Variants in WDR33 observed in about 807,000 individuals in gnomAD.
WDR33 encodes pre-mRNA 3' end processing protein WDR33.
Under a neutral mutation model 164.9 loss-of-function variants are expected in WDR33, and 47 were observed. The observed-to-expected ratio is 0.29, with a 90% CI of 0.23 to 0.36. The LOEUF (loss-of-function observed/expected upper bound fraction) is 0.36. Ranked by LOEUF, WDR33 falls within the 10% of genes least tolerant of loss-of-function variation. WDR33 has a pLI of 1.00. For synonymous variants in WDR33, 505 were observed against 589.0 expected (o/e 0.86, Z 2.06); for missense variants, 1,137 against 1,754.1 (o/e 0.65, Z 6.28).
chr2:127,749,156 T>G (rs778591916), intron 7 of WDR33, among the ~76,000 whole-genome samples: 1 of 152,086 alleles, frequency 6.6e-6, no homozygotes, highest in Non-Finnish European at 1.5e-5. Context: ...AGCAACATAG[T>G]GACATCTTGT....
At chr2:127,767,070 C>G (rs180690023) in intron 4 of WDR33, among the ~76,000 whole-genome samples, 18 of 152,290 alleles carry the variant, frequency 1.2e-4, no homozygotes, top group Non-Finnish European at 2.4e-4. Flanking sequence ...TAAGGCCTCT[C>G]AGGCAAATAA....
Position 127,724,254 on chromosome 2 carries a change from A to C in WDR33, c.1196+79T>G. ...TGGAATATAAATTACTATATCAATC[A>C]ACCAATAAAAATAAACACATACAGT... On this transcript the variant is annotated intron_variant, in intron 11 of 21. Transcript: ENST00000322313. This position sits in a 1 kb window ranked among gnomAD's most constrained non-coding sequence, Gnocchi z 4.8. 1 of 1,114,650 alleles carries C rather than the reference A, an allele frequency of 9.0e-7. No homozygotes were observed. Among genetic ancestry groups the C allele is most frequent in the Admixed American group, 2.3e-5 (1 of 44,352 alleles). 69.0% of individuals were successfully genotyped at this position (1,114,650 alleles called of 1,614,324 possible).
At chr2:127,742,258 T>C (rs113294826) in intron 7 of WDR33, among the ~76,000 whole-genome samples, 11,527 of 152,032 alleles carry the variant, frequency 0.076, 454 homozygotes, top group Non-Finnish European at 0.091. Flanking sequence ...CTGGGCACAG[T>C]GGCTCAAGTC....
At chr2:127,776,839 T>C (rs1047456767) in intron 1 of WDR33, among the ~76,000 whole-genome samples, 3 of 152,234 alleles carry the variant, frequency 2.0e-5, no homozygotes, top group African/African-American at 4.8e-5. Flanking sequence ...TCCTCTACGC[T>C]TTACTTGGGA....
At position 127,704,402 on chromosome 2, in the gene WDR33, T is replaced by C. The variant is rs895840070; in HGVS notation, c.*1921A>G. 2 of 167,014 alleles carry C rather than the reference T, an allele frequency of 1.2e-5. No homozygotes were observed. Among genetic ancestry groups the C allele is most frequent in the African/African-American group, 4.8e-5 (2 of 41,438 alleles). The allele number at this position is 167,014 out of a possible 1,614,324, so 10.3% of individuals were successfully genotyped here. A position where few individuals can be genotyped will look rare whatever the true frequency, so the allele number is the denominator to read the frequency against. The stretch of plus-strand genomic sequence containing the variant: ...TAAAGCCCAAAATAATGAAAATTTT[T>C]CCACTAGAATCTCAGGGAAAAAAAG... On this transcript the variant is annotated 3_prime_UTR_variant, in exon 22 of 22. Coordinates refer to ENST00000322313, the MANE Select transcript of WDR33 (RefSeq NM_018383.5).
chr2:127,708,978 T>C lies in WDR33; in HGVS notation c.3566-86A>G, dbSNP rs1686086338. On this transcript the variant is annotated intron_variant, in intron 20 of 21. Transcript: ENST00000322313. This position sits in a 1 kb window ranked among gnomAD's most constrained non-coding sequence, Gnocchi z 6.7. ...TGACACTGTGAGAGTAAGGAGCAAC[T>C]CGAGAGCCACCGTTCACTCATGCTG... The C allele has an allele frequency of 1.5e-6, 2 of 1,361,282 alleles. No individual in the cohort carries two copies. Among genetic ancestry groups the C allele is most frequent in the East Asian group, 2.6e-5 (1 of 38,886 alleles). 84.3% of individuals were successfully genotyped at this position (1,361,282 alleles called of 1,614,324 possible). A position where few individuals can be genotyped will look rare whatever the true frequency, so the allele number is the denominator to read the frequency against.
At chr2:127,808,819 A>T (rs1689527059) in intron 1 of WDR33, among the ~76,000 whole-genome samples, 1 of 152,170 alleles carries the variant, frequency 6.6e-6, no homozygotes, top group Admixed American at 6.5e-5. Flanking sequence ...TCACGAGGTC[A>T]GGAGATCGAG....
At chr2:127,805,601 G>A (rs1468208281) in intron 1 of WDR33, among the ~76,000 whole-genome samples, 1 of 152,134 alleles carries the variant, frequency 6.6e-6, no homozygotes, top group Non-Finnish European at 1.5e-5. Context: ...GGAAGGGGCA[G>A]CAGGTGCCAG....
In WDR33 at chr2:127,708,591, G is replaced by T; in HGVS notation, c.3781+86C>A. On this transcript the variant is annotated intron_variant, in intron 21 of 21. Coordinates refer to ENST00000322313, the MANE Select transcript of WDR33 (RefSeq NM_018383.5). The surrounding 1 kb of genome is among the most constrained non-coding windows in gnomAD (Gnocchi z 6.7). The stretch of plus-strand genomic sequence containing the variant: ...GAGCATGTGCCTCTGCACAGCCCAG[G>T]CTGCAAGGGCATGTGCAGCAGATAC... 7.1e-7 allele frequency: 1 copy of T among 1,416,510 alleles called. No individual in the cohort carries two copies. Among genetic ancestry groups the T allele is most frequent in the Non-Finnish European group, 9.6e-7 (1 of 1,047,012 alleles). The allele number at this position is 1,416,510 out of a possible 1,614,324, so 87.7% of individuals were successfully genotyped here.
Position 127,708,630 on chromosome 2 carries a change from A to G in WDR33, c.3781+47T>C. On this transcript the variant is annotated intron_variant, in intron 21 of 21. Coordinates refer to ENST00000322313, the MANE Select transcript of WDR33 (RefSeq NM_018383.5). The surrounding 1 kb of genome is among the most constrained non-coding windows in gnomAD (Gnocchi z 6.7). ...TGCAGCAGATACAGGCAAGGCCTCC[A>G]TCGGCCCCTGCATCTCCTGGAACCA... is the stretch of plus-strand genomic sequence containing the variant. The G allele has an allele frequency of 7.2e-6, 11 of 1,521,118 alleles. No individual in the cohort carries two copies. The highest frequency in any genetic ancestry group is 8.9e-6 in the Non-Finnish European group (10 of 1,129,732). The allele number at this position is 1,521,118 out of a possible 1,614,324, so 94.2% of individuals were successfully genotyped here.
At chr2:127,758,263 A>G (rs775647931) in intron 7 of WDR33, among the ~76,000 whole-genome samples, 5 of 152,192 alleles carry the variant, frequency 3.3e-5, no homozygotes, top group South Asian at 2.1e-4. Flanking sequence ...AATTCTGTCA[A>G]TTACAGCTTA....
Position 127,701,832 on chromosome 2 carries a change from C to T in WDR33, c.*4491G>A. The T allele has an allele frequency of 6.9e-7, 1 of 1,458,624 alleles. No individual in the cohort carries two copies. Among genetic ancestry groups the T allele is most frequent in the Non-Finnish European group, 9.0e-7 (1 of 1,109,720 alleles). 90.4% of individuals were successfully genotyped at this position (1,458,624 alleles called of 1,614,324 possible). ...AGCCGCGCTCTACGCACCGGTGTTG[C>T]TGCTGCGCGCGCGCAAGTTCGCGCT... On this transcript the variant is annotated 3_prime_UTR_variant, in exon 22 of 22. Coordinates refer to ENST00000322313, the MANE Select transcript of WDR33 (RefSeq NM_018383.5).
At position 127,764,131 on chromosome 2, in the gene WDR33, A is replaced by G; in HGVS notation, c.626+697T>C. ...GAACTTTTTCCCCCAGTTTTACTATACATACCTCACTGATGTGTAAAAATA... is the reference window on the plus strand; with the variant it reads ...GAACTTTTTCCCCCAGTTTTACTATGCATACCTCACTGATGTGTAAAAATA... On this transcript the variant is annotated intron_variant, in intron 6 of 21. Transcript: ENST00000322313. This position sits in a 1 kb window ranked among gnomAD's most constrained non-coding sequence, Gnocchi z 6.2. 1.0e-5 allele frequency: 10 copies of G among 998,896 alleles called. No individual in the cohort carries two copies. The highest frequency in any genetic ancestry group is 1.2e-5 in the Non-Finnish European group (10 of 839,030). The allele number at this position is 998,896 out of a possible 1,614,324, so 61.9% of individuals were successfully genotyped here. A position where few individuals can be genotyped will look rare whatever the true frequency, so the allele number is the denominator to read the frequency against.
intron 1 of WDR33, among the ~76,000 whole-genome samples, chr2:127,805,756 C>G (rs1689414010): frequency 6.6e-6 from 1 of 152,110 alleles, no homozygotes; most frequent in Non-Finnish European, 1.5e-5. Flanking sequence ...GGAAGGGGCT[C>G]CGGCCACAGG....
Position 127,717,134 on chromosome 2 carries a change from T to A in WDR33, c.2869+21A>T. Reference sequence around the variant, plus strand: ...AAAGGTGGTAGAATATAATCTTTTATTCAGCTGAGCAGATATTTACCTTTG... The same window carrying A: ...AAAGGTGGTAGAATATAATCTTTTAATCAGCTGAGCAGATATTTACCTTTG... On this transcript the variant is annotated intron_variant, in intron 17 of 21. Coordinates refer to ENST00000322313, the MANE Select transcript of WDR33 (RefSeq NM_018383.5). This position sits in a 1 kb window ranked among gnomAD's most constrained non-coding sequence, Gnocchi z 5.6. The A allele has an allele frequency of 6.4e-7, 1 of 1,574,460 alleles. No individual in the cohort carries two copies. Among genetic ancestry groups the A allele is most frequent in the Non-Finnish European group, 8.6e-7 (1 of 1,156,508 alleles).
chr2:127,710,507 G>T lies in WDR33; in HGVS notation c.3309-651C>A, dbSNP rs779797811. Among the ~76,000 whole-genome samples the T allele has an allele frequency of 2.0e-5, 3 of 152,102 alleles. No individual in the cohort carries two copies. The highest frequency in any genetic ancestry group is 4.4e-5 in the Non-Finnish European group (3 of 68,010). On this transcript the variant is annotated intron_variant, in intron 18 of 21. Transcript: ENST00000322313. The surrounding 1 kb of genome is among the most constrained non-coding windows in gnomAD (Gnocchi z 4.4). Reference sequence around the variant, plus strand: ...CATGGCCCGAGTCCACAGCTGATGGGCACACAGGTCAGCATCTGGTTTACA... The same window carrying T: ...CATGGCCCGAGTCCACAGCTGATGGTCACACAGGTCAGCATCTGGTTTACA...
Position 127,701,743 on chromosome 2 carries a change from C to A in WDR33, c.*4580G>T. On this transcript the variant is annotated 3_prime_UTR_variant, in exon 22 of 22. Coordinates refer to ENST00000322313, the MANE Select transcript of WDR33 (RefSeq NM_018383.5). The stretch of plus-strand genomic sequence containing the variant: ...GGCCTGACGTGCCTCCCGAGCGTGA[C>A]GCGCGGGCAGCGGCTGGCGGCGGGC... 1.4e-6 allele frequency: 2 copies of A among 1,412,378 alleles called. No individual in the cohort carries two copies. Among genetic ancestry groups the A allele is most frequent in the South Asian group, 1.4e-5 (1 of 70,838 alleles). The allele number at this position is 1,412,378 out of a possible 1,614,324, so 87.5% of individuals were successfully genotyped here. A position where few individuals can be genotyped will look rare whatever the true frequency, so the allele number is the denominator to read the frequency against.
Position 127,768,270 on chromosome 2 carries a change from C to T in WDR33, c.297G>A (p.Leu99=), listed in dbSNP as rs1374466993. The T allele has an allele frequency of 1.3e-6, 2 of 1,578,310 alleles. No homozygotes were observed. Among genetic ancestry groups the T allele is most frequent in the Non-Finnish European group, 1.7e-6 (2 of 1,159,030 alleles). ...YNDLVPPIGM[L]NNPMNAVTTK... is the part of the protein sequence containing the mutation. Reference sequence around the variant, plus strand: ...TTGTTACTGCATTCATAGGATTATTCAACATTCCTATAGGTGGGACCAGCT... The same window carrying T: ...TTGTTACTGCATTCATAGGATTATTTAACATTCCTATAGGTGGGACCAGCT... The change falls in exon 4 of 22, where the codon TTG becomes TTA. Residue 99 remains leucine, a synonymous_variant. Transcript: ENST00000322313.
intron 4 of WDR33, among the ~76,000 whole-genome samples, chr2:127,767,900 T>C (rs1401716000): frequency 6.6e-6 from 1 of 152,124 alleles, no homozygotes; most frequent in East Asian, 1.9e-4. Context: ...AATAAAAGCA[T>C]TCCTACTCAA....
Sources: allele counts gnomAD v4.1 joint callset (sites outside exome capture counted in the v4.1 genomes callset), GRCh38; gene constraint gnomAD v4.1.1; non-coding constraint Gnocchi (gnomAD v3.1); transcripts MANE v1.5; gene names NCBI Gene and HGNC (gene_info 2026-07-23, HGNC 2026-07-21).